BMPR1B: variants seen among roughly 807,000 people sequenced by gnomAD.
BMPR1B encodes the protein bone morphogenetic protein receptor type-1B.
Under a neutral mutation model 59.1 loss-of-function variants are expected in BMPR1B, and 12 were observed. The ratio of observed to expected loss-of-function variants is 0.20; its 90% CI spans 0.13 to 0.33. BMPR1B has a LOEUF of 0.33. Among genes scored for constraint, BMPR1B ranks in the 10% least tolerant of loss-of-function variants. The pLI, the probability that BMPR1B is intolerant of heterozygous loss-of-function variation, is 1.00. For missense variants in BMPR1B, 550 were observed against 610.9 expected (o/e 0.90, Z 1.05); for synonymous variants, 237 against 207.3 (o/e 1.14, Z -1.23).
intron 3 of BMPR1B, among the ~76,000 whole-genome samples, chr4:95,004,077 T>C: frequency 6.6e-6 from 1 of 152,098 alleles, no homozygotes; most frequent in East Asian, 1.9e-4. Flanking sequence ...TTTAAGAGGG[T>C]AGTTTAATCT....
At chr4:95,080,529 C>G (rs1040421186) in intron 3 of BMPR1B, among the ~76,000 whole-genome samples, 1 of 152,178 alleles carries the variant, frequency 6.6e-6, no homozygotes, top group South Asian at 2.1e-4. Context: ...AGCCACCACA[C>G]CTGGCCTAAA....
rs1251020028 is a variant in BMPR1B, at chr4:94,816,401, C to T, written c.-183+58333C>T. Among the ~76,000 whole-genome samples the T allele has an allele frequency of 7.2e-5, 11 of 152,194 alleles. No homozygotes were observed. In the South Asian group the frequency reaches 1.2e-3, roughly 17 times the overall value. ...CAGGCTGGTCTCGAACTCCTGACCT[C>T]GTGATCCCCCCTTGGGCCTTGCAAA... On this transcript the variant is annotated intron_variant, in intron 1 of 12. Coordinates refer to ENST00000515059, the MANE Select transcript of BMPR1B (RefSeq NM_001203.3).
In BMPR1B at chr4:94,960,181, A is replaced by G. The variant is rs1730299595; in HGVS notation, c.-112-35859A>G. On this transcript the variant is annotated intron_variant, in intron 2 of 12. Coordinates refer to ENST00000515059, the MANE Select transcript of BMPR1B (RefSeq NM_001203.3). ...TTTTGTCATGAGTTATCTTTTAAGGAAAGTCAAATTATTTCGATAAAAGAA... is the reference window on the plus strand; with the variant it reads ...TTTTGTCATGAGTTATCTTTTAAGGGAAGTCAAATTATTTCGATAAAAGAA... Among the ~76,000 whole-genome samples, 3 of 152,310 alleles carry G rather than the reference A, an allele frequency of 2.0e-5. No individual in the cohort carries two copies. In the South Asian group the frequency reaches 6.2e-4, roughly 32 times the overall value.
chr4:95,080,408 G>A (rs960876925), intron 3 of BMPR1B, among the ~76,000 whole-genome samples: 8 of 152,038 alleles, frequency 5.3e-5, no homozygotes, highest in African/African-American at 1.7e-4. Context: ...GCTAATTTTT[G>A]TATTTTTAGT....
chr4:94,993,385 A>G (rs539217693), intron 2 of BMPR1B, among the ~76,000 whole-genome samples: 194 of 152,270 alleles, frequency 1.3e-3, no homozygotes, highest in Admixed American at 3.8e-3. Flanking sequence ...ATCCATCCCA[A>G]ATGTTATTAT....
Position 94,954,227 on chromosome 4 carries a change from T to C in BMPR1B, c.-112-41813T>C, listed in dbSNP as rs148286286. On this transcript the variant is annotated intron_variant, in intron 2 of 12. Coordinates refer to ENST00000515059, the MANE Select transcript of BMPR1B (RefSeq NM_001203.3). ...CCAAACCAGAGACTGGTTTATTCCT[T>C]GGAGCCCAGAACAGTTCTCGCTCAT... 1.8e-3 allele frequency among the ~76,000 whole-genome samples: 278 copies of C among 152,292 alleles called. 2 individuals are homozygous for C. The highest frequency in any genetic ancestry group is 3.0e-3 in the Non-Finnish European group (203 of 68,016).
chr4:94,780,238 C>G (rs924847682), intron 1 of BMPR1B, among the ~76,000 whole-genome samples: 4 of 152,058 alleles, frequency 2.6e-5, no homozygotes, highest in African/African-American at 7.2e-5. Flanking sequence ...ATAAACTTGT[C>G]TATTTTAGAC....
chr4:94,798,259 A>T (rs1560490015), intron 1 of BMPR1B, among the ~76,000 whole-genome samples: 1 of 152,182 alleles, frequency 6.6e-6, no homozygotes, highest in Non-Finnish European at 1.5e-5. Context: ...TTGCAGTCCT[A>T]AGGTCCTCAA....
chr4:94,783,483 C>G (rs758590341), intron 1 of BMPR1B, among the ~76,000 whole-genome samples: 1 of 152,150 alleles, frequency 6.6e-6, no homozygotes, highest in Non-Finnish European at 1.5e-5. Context: ...AAGTTAGTCC[C>G]TTTAAGTGAG....
At chr4:95,075,903 T>G (rs192437036) in intron 3 of BMPR1B, among the ~76,000 whole-genome samples, 130 of 152,252 alleles carry the variant, frequency 8.5e-4, no homozygotes, top group Non-Finnish European at 1.4e-3. Context: ...CCATTCTTTT[T>G]TTTTCTAGTT....
chr4:94,854,180 A>G (rs1329928492), intron 1 of BMPR1B, among the ~76,000 whole-genome samples: 1 of 142,236 alleles, frequency 7.0e-6, no homozygotes, highest in Non-Finnish European at 1.5e-5. Context: ...GGCCTTTCGT[A>G]TCCTGAAATG....
intron 1 of BMPR1B, among the ~76,000 whole-genome samples, chr4:94,827,814 A>G (rs988106516): frequency 2.0e-5 from 3 of 152,182 alleles, no homozygotes; most frequent in African/African-American, 7.2e-5. Context: ...TGTCAGATAA[A>G]ATCAACGGGA....
intron 1 of BMPR1B, among the ~76,000 whole-genome samples, chr4:94,807,831 C>T (rs1723668713): frequency 6.6e-6 from 1 of 152,036 alleles, no homozygotes; most frequent in Non-Finnish European, 1.5e-5. Context: ...ATTACAGGCG[C>T]CTGCCACCAT....
intron 3 of BMPR1B, among the ~76,000 whole-genome samples, chr4:95,067,047 A>G (rs1404254263): frequency 6.6e-6 from 1 of 152,168 alleles, no homozygotes; most frequent in Admixed American, 6.5e-5. Flanking sequence ...TCTCTGAAGG[A>G]TGTATTGGTT....
At chr4:94,953,634 G>A (rs13110435) in intron 2 of BMPR1B, among the ~76,000 whole-genome samples, 37,548 of 152,092 alleles carry the variant, frequency 0.25, 4,661 homozygotes, top group South Asian at 0.36. Flanking sequence ...CGCTGTTAGC[G>A]TGATGCGCTT....
chr4:95,153,412 A>G (rs1735194834), intron 12 of BMPR1B, among the ~76,000 whole-genome samples: 1 of 152,002 alleles, frequency 6.6e-6, no homozygotes, highest in African/African-American at 2.4e-5. Flanking sequence ...CAAACTCACC[A>G]TGTTCTAGAG....
At chr4:94,870,101 T>A (rs1192765760) in intron 1 of BMPR1B, among the ~76,000 whole-genome samples, 1 of 152,218 alleles carries the variant, frequency 6.6e-6, no homozygotes, top group Non-Finnish European at 1.5e-5. Context: ...CTTTTAAAAT[T>A]CTATTTTTAT....
intron 2 of BMPR1B, among the ~76,000 whole-genome samples, chr4:94,969,336 T>C (rs1404733868): frequency 6.6e-6 from 1 of 152,064 alleles, no homozygotes; most frequent in African/African-American, 2.4e-5. Context: ...TGCCCGTCCA[T>C]ATCCTGAGTT....
intron 2 of BMPR1B, among the ~76,000 whole-genome samples, chr4:94,943,367 GC>G (rs1297917395): frequency 3.9e-5 from 6 of 152,180 alleles, no homozygotes; most frequent in South Asian, 2.1e-4. Context: ...TCGAACTCCT[GC>G]CCGTCTCAGC....
Sources: allele counts gnomAD v4.1 joint callset (sites outside exome capture counted in the v4.1 genomes callset), GRCh38; gene constraint gnomAD v4.1.1; transcripts MANE v1.5; gene names NCBI Gene and HGNC (gene_info 2026-07-23, HGNC 2026-07-21).